PKIB: variants seen among roughly 807,000 people sequenced by gnomAD.
PKIB encodes the protein PKI-beta.
Under a neutral mutation model 4.5 loss-of-function variants are expected in PKIB, and 2 were observed. That is an observed-to-expected ratio of 0.44 (90% CI 0.18 to 1.39). The LOEUF (loss-of-function observed/expected upper bound fraction) is 1.39. PKIB is among the 40% of genes most tolerant of loss of function. The pLI, the probability that PKIB is intolerant of heterozygous loss-of-function variation, is 0.27. For missense variants in PKIB, 94 were observed against 92.6 expected (o/e 1.02, Z -0.06); for synonymous variants, 38 against 36.0 (o/e 1.06, Z -0.20).
chr6:122,569,963 C>T (rs1459527028), intron 2 of PKIB, among the ~76,000 whole-genome samples: 1 of 152,136 alleles, frequency 6.6e-6, no homozygotes, highest in Non-Finnish European at 1.5e-5. Context: ...GAGACGGTGT[C>T]CTTATTCCCA....
At chr6:122,563,981 G>A (rs1290760201) in intron 2 of PKIB, among the ~76,000 whole-genome samples, 3 of 152,074 alleles carry the variant, frequency 2.0e-5, no homozygotes, top group African/African-American at 4.8e-5. Flanking sequence ...GCTTCTCATC[G>A]GGTTCATATT....
intron 2 of PKIB, among the ~76,000 whole-genome samples, chr6:122,662,580 A>C (rs944169539): frequency 6.6e-6 from 1 of 151,782 alleles, no homozygotes; most frequent in Non-Finnish European, 1.5e-5. Flanking sequence ...TTGGCCTCCC[A>C]AAGTGCTGGG....
chr6:122,725,537 G>A lies in PKIB; in HGVS notation c.*342G>A, dbSNP rs973461299. The A allele has an allele frequency of 3.2e-5, 6 of 185,610 alleles. No individual in the cohort carries two copies. Among genetic ancestry groups the A allele is most frequent in the Middle Eastern group, 2.1e-3 (1 of 472 alleles). The allele number at this position is 185,610 out of a possible 1,614,324, so 11.5% of individuals were successfully genotyped here. ...ATGTATTTTTAATTCAATTTTTATG[G>A]TGATGGGCAAATCATTCTTGGTAAA... is the stretch of plus-strand genomic sequence containing the variant. On this transcript the variant is annotated 3_prime_UTR_variant, in exon 5 of 5. Transcript: ENST00000368452.
intron 1 of PKIB, among the ~76,000 whole-genome samples, chr6:122,613,553 T>A (rs1774851828): frequency 6.6e-6 from 1 of 152,226 alleles, no homozygotes; most frequent in Non-Finnish European, 1.5e-5. Context: ...TCATATGTTA[T>A]ATGTACTTTA....
intron 2 of PKIB, among the ~76,000 whole-genome samples, chr6:122,495,149 C>G (rs560499785): frequency 1.5e-4 from 23 of 152,212 alleles, no homozygotes; most frequent in African/African-American, 5.1e-4. Context: ...TTGGTGACAG[C>G]TCCTCATTCT....
intron 2 of PKIB, among the ~76,000 whole-genome samples, chr6:122,654,388 G>A (rs1776687808): frequency 6.6e-6 from 1 of 152,140 alleles, no homozygotes; most frequent in African/African-American, 2.4e-5. Flanking sequence ...AAAAATATGG[G>A]AACAAATAGG....
intron 2 of PKIB, among the ~76,000 whole-genome samples, chr6:122,573,068 A>G (rs1046115592): frequency 4.6e-5 from 7 of 152,208 alleles, no homozygotes; most frequent in African/African-American, 1.7e-4. Context: ...CATCAATTCT[A>G]CTGAAACTAT....
intron 2 of PKIB, among the ~76,000 whole-genome samples, chr6:122,520,209 A>G (rs532540451): frequency 6.6e-6 from 1 of 152,298 alleles, no homozygotes; most frequent in South Asian, 2.1e-4. Flanking sequence ...TCAATTTGAT[A>G]TATTTCCTGC....
chr6:122,633,642 T>C (rs1013803054), intron 2 of PKIB, among the ~76,000 whole-genome samples: 8 of 152,154 alleles, frequency 5.3e-5, no homozygotes, highest in African/African-American at 1.7e-4. Flanking sequence ...ATATTTCCAC[T>C]CTTAGCTGTG....
intron 1 of PKIB, among the ~76,000 whole-genome samples, chr6:122,625,144 G>A (rs1582750299): frequency 6.6e-6 from 1 of 152,168 alleles, no homozygotes; most frequent in East Asian, 1.9e-4. Flanking sequence ...AAATGTTTAT[G>A]GTTTTGACTT....
At position 122,666,949 on chromosome 6, in the gene PKIB, TA is replaced by T. The variant is rs151196160; in HGVS notation, c.-75-8128del. On this transcript the variant is annotated intron_variant, in intron 2 of 4. Transcript: ENST00000368452. ...TTCCTTAGGCATCCAATGGTACTAA[TA>T]TTTTTTTTTTTATGGCTTTTGAAAG... Among the ~76,000 whole-genome samples the T allele has an allele frequency of 7.0e-3, 977 of 139,432 alleles. 9 individuals carry two copies. Among genetic ancestry groups the T allele is most frequent in the African/African-American group, 0.023 (929 of 39,638 alleles). The allele number at this position is 139,432 out of a possible 152,430, so 91.5% of individuals were successfully genotyped here.
chr6:122,655,975 G>A (rs1776762730), intron 2 of PKIB, among the ~76,000 whole-genome samples: 1 of 151,964 alleles, frequency 6.6e-6, no homozygotes, highest in Non-Finnish European at 1.5e-5. Context: ...GAGCTCAACG[G>A]TAACCATATT....
At position 122,725,393 on chromosome 6, in the gene PKIB, G is replaced by A; in HGVS notation, c.*198G>A. On this transcript the variant is annotated 3_prime_UTR_variant, in exon 5 of 5. Coordinates refer to ENST00000368452, the MANE Select transcript of PKIB (RefSeq NM_181795.3). ...GTCCAAGGTAAGCTATTAAAAGGCA[G>A]GTTACTTCCAAATCGCACTGAAGGA... is the stretch of plus-strand genomic sequence containing the variant. The A allele has an allele frequency of 1.9e-6, 1 of 539,540 alleles. No individual in the cohort carries two copies. Among genetic ancestry groups the A allele is most frequent in the South Asian group, 3.2e-5 (1 of 31,286 alleles). 33.4% of individuals were successfully genotyped at this position (539,540 alleles called of 1,614,324 possible).
At chr6:122,549,098 C>T (rs1170374711) in intron 2 of PKIB, among the ~76,000 whole-genome samples, 3 of 152,144 alleles carry the variant, frequency 2.0e-5, no homozygotes, top group African/African-American at 4.8e-5. Flanking sequence ...GAGGCTGAAT[C>T]ATGTGTCAGC....
intron 2 of PKIB, among the ~76,000 whole-genome samples, chr6:122,488,586 T>C (rs1775839862): frequency 6.6e-6 from 1 of 152,092 alleles, no homozygotes; most frequent in South Asian, 2.1e-4. Context: ...CACACCATTA[T>C]GGCCAACTAA....
chr6:122,698,586 T>A (rs1778672108), intron 3 of PKIB, among the ~76,000 whole-genome samples: 2 of 152,106 alleles, frequency 1.3e-5, no homozygotes, highest in Admixed American at 6.6e-5. Context: ...ATGAGCAACT[T>A]ATGACCATCA....
intron 3 of PKIB, among the ~76,000 whole-genome samples, chr6:122,683,931 C>T (rs1777999231): frequency 6.6e-6 from 1 of 152,166 alleles, no homozygotes. Context: ...TTCATTACAG[C>T]ACTATTCACA....
chr6:122,560,031 A>C (rs910124950), intron 2 of PKIB, among the ~76,000 whole-genome samples: 2 of 152,028 alleles, frequency 1.3e-5, no homozygotes, highest in African/African-American at 4.8e-5. Flanking sequence ...GATGCCCTTT[A>C]TTTCTTTCTC....
chr6:122,572,292 T>C (rs1773390624), intron 2 of PKIB, among the ~76,000 whole-genome samples: 2 of 152,042 alleles, frequency 1.3e-5, no homozygotes, highest in South Asian at 2.1e-4. Flanking sequence ...CCAAGATTTA[T>C]AAAACAATTA....
Sources: gnomAD v4.1 joint callset for allele counts (sites outside exome capture counted in the v4.1 genomes callset) on GRCh38, gnomAD v4.1.1 for gene constraint, MANE v1.5 for transcripts, NCBI Gene and HGNC (gene_info 2026-07-23, HGNC 2026-07-21) for gene names.